ELOVL7: variants seen among roughly 807,000 people sequenced by gnomAD.
The protein encoded by ELOVL7 is ELOVL fatty acid elongase 7.
A neutral mutation model predicts 35.7 loss-of-function variants in ELOVL7; 27 were observed. The ratio of observed to expected loss-of-function variants is 0.76; its 90% CI spans 0.56 to 1.04. The LOEUF (loss-of-function observed/expected upper bound fraction) is 1.04. Ranked by LOEUF, ELOVL7 falls within the 50% of genes least tolerant of loss-of-function variation. The pLI, the probability that ELOVL7 is intolerant of heterozygous loss-of-function variation, is 0.00. For missense variants in ELOVL7, 327 were observed against 340.8 expected (o/e 0.96, Z 0.32); for synonymous variants, 113 against 114.6 (o/e 0.99, Z 0.09).
At chr5:60,760,346 C>T (rs1305804370) in intron 7 of ELOVL7, among the ~76,000 whole-genome samples, 3 of 152,130 alleles carry the variant, frequency 2.0e-5, no homozygotes, top group Admixed American at 6.5e-5. Flanking sequence ...TGGTGTGAGA[C>T]AGTATCTCAT....
chr5:60,834,440 C>T (rs1437812877), intron 1 of ELOVL7, among the ~76,000 whole-genome samples: 4 of 152,094 alleles, frequency 2.6e-5, no homozygotes, highest in South Asian at 2.1e-4. Context: ...CCACTGCGCC[C>T]GACCGGTTCA....
At chr5:60,817,865 T>C (rs547742786) in intron 1 of ELOVL7, among the ~76,000 whole-genome samples, 1 of 150,404 alleles carries the variant, frequency 6.6e-6, no homozygotes, top group African/African-American at 2.4e-5. Flanking sequence ...TATATATATA[T>C]ATACTTGCAT....
chr5:60,805,826 C>T (rs1028862525), intron 1 of ELOVL7, among the ~76,000 whole-genome samples: 11 of 152,152 alleles, frequency 7.2e-5, no homozygotes, highest in African/African-American at 2.7e-4. Context: ...CTTTTCTACT[C>T]ATGAAGAGGA....
At chr5:60,806,159 C>A (rs1013439694) in intron 1 of ELOVL7, among the ~76,000 whole-genome samples, 1 of 152,120 alleles carries the variant, frequency 6.6e-6, no homozygotes, top group Non-Finnish European at 1.5e-5. Context: ...AAGGGAGAGG[C>A]CTGAACAGAT....
chr5:60,806,856 G>T (rs1744955385), intron 1 of ELOVL7, among the ~76,000 whole-genome samples: 1 of 152,178 alleles, frequency 6.6e-6, no homozygotes, highest in Admixed American at 6.5e-5. Flanking sequence ...GCAGAAGGGA[G>T]CTTCTACTTT....
intron 1 of ELOVL7, among the ~76,000 whole-genome samples, chr5:60,818,319 GAAAAAA>G (rs60141189): frequency 1.3e-3 from 94 of 70,578 alleles, no homozygotes; most frequent in African/African-American, 4.8e-3. Context: ...TTCCATCTCA[GAAAAAA>G]AAAAAAAAAA....
chr5:60,840,453 A>G (rs1268155073), intron 1 of ELOVL7, among the ~76,000 whole-genome samples: 1 of 152,214 alleles, frequency 6.6e-6, no homozygotes, highest in Non-Finnish European at 1.5e-5. Flanking sequence ...AGAAGCATGG[A>G]ACAAATTCTC....
intron 6 of ELOVL7, among the ~76,000 whole-genome samples, chr5:60,766,347 T>C (rs184841110): frequency 3.9e-5 from 6 of 152,352 alleles, no homozygotes; most frequent in African/African-American, 9.6e-5. Flanking sequence ...AGAAACTTTA[T>C]AGAGTTTGCA....
intron 1 of ELOVL7, among the ~76,000 whole-genome samples, chr5:60,801,115 T>C (rs902913944): frequency 6.6e-6 from 1 of 151,882 alleles, no homozygotes; most frequent in African/African-American, 2.4e-5. Flanking sequence ...TTTGTAGAGA[T>C]GGGTGTCTTA....
intron 1 of ELOVL7, among the ~76,000 whole-genome samples, chr5:60,804,342 G>A (rs1365928039): frequency 6.6e-6 from 1 of 152,112 alleles, no homozygotes; most frequent in Non-Finnish European, 1.5e-5. Context: ...GAGAGACAGG[G>A]CAAACTTAGA....
At chr5:60,831,241 T>C (rs1051407912) in intron 1 of ELOVL7, among the ~76,000 whole-genome samples, 5 of 152,230 alleles carry the variant, frequency 3.3e-5, no homozygotes, top group African/African-American at 4.8e-5. Flanking sequence ...AGTTGGTTCA[T>C]GTTAACCTAA....
intron 1 of ELOVL7, among the ~76,000 whole-genome samples, chr5:60,813,642 T>A (rs2112327582): frequency 6.6e-6 from 1 of 152,136 alleles, no homozygotes; most frequent in East Asian, 1.9e-4. Context: ...TTTGTTTATA[T>A]CAATTTTTTT....
chr5:60,754,622 C>T lies in ELOVL7; in HGVS notation c.*2G>A. ...GTTTCGATCATAGACTTATGTTGGGCTTCAATTATCTTTGTTTTTGCAAGT... is the reference window on the plus strand; with the variant it reads ...GTTTCGATCATAGACTTATGTTGGGTTTCAATTATCTTTGTTTTTGCAAGT... On this transcript the variant is annotated 3_prime_UTR_variant, in exon 9 of 9. Coordinates refer to ENST00000508821, the MANE Select transcript of ELOVL7 (RefSeq NM_024930.3). 1 of 1,613,090 alleles carries T rather than the reference C, an allele frequency of 6.2e-7. No homozygotes were observed. Among genetic ancestry groups the T allele is most frequent in the South Asian group, 1.1e-5 (1 of 91,034 alleles).
chr5:60,784,353 C>A, intron 3 of ELOVL7: 1 of 424,580 alleles, frequency 2.4e-6, no homozygotes, highest in South Asian at 7.2e-5. Context: ...TCTAATCAAA[C>A]GCAAGGAAAG....
At position 60,787,420 on chromosome 5, in the gene ELOVL7, T is replaced by C. The variant is rs765890212; in HGVS notation, c.-23A>G. On this transcript the variant is annotated 5_prime_UTR_variant, in exon 3 of 9. Transcript: ENST00000508821. ...CATTTTCCACAGGATTTACTGGCTC[T>C]TTTAATGGGTTCTTCAGTAAAATAA... 1.4e-5 allele frequency: 21 copies of C among 1,549,818 alleles called. No homozygotes were observed. The highest frequency in any genetic ancestry group is 1.7e-5 in the Non-Finnish European group (20 of 1,143,398).
intron 3 of ELOVL7, among the ~76,000 whole-genome samples, chr5:60,774,605 T>G (rs1054280488): frequency 6.6e-6 from 1 of 152,158 alleles, no homozygotes; most frequent in East Asian, 1.9e-4. Context: ...GGATGCCCAC[T>G]CCTATTCAAC....
Position 60,771,968 on chromosome 5 carries a change from G to C in ELOVL7, c.190C>G (p.Leu64Val). Residue 64 changes from leucine (L) to valine (V), a missense_variant, in exon 4 of 9, where the codon CTC becomes GTC. Coordinates refer to ENST00000508821, the MANE Select transcript of ELOVL7 (RefSeq NM_024930.3). Reference protein sequence around the residue: ...KLMENRKPFELKKAMITYNFF... With the variant: ...KLMENRKPFEVKKAMITYNFF... ...TTGTACGTTATCATTGCTTTCTTGA[G>C]TTCAAAGGGCTTGCGATTTTCCATG... The C allele has an allele frequency of 6.2e-7, 1 of 1,613,988 alleles. No individual in the cohort carries two copies. Among genetic ancestry groups the C allele is most frequent in the Non-Finnish European group, 8.5e-7 (1 of 1,179,932 alleles).
At chr5:60,832,397 G>T (rs551994687) in intron 1 of ELOVL7, among the ~76,000 whole-genome samples, 7 of 151,096 alleles carry the variant, frequency 4.6e-5, no homozygotes, top group Non-Finnish European at 8.8e-5. Flanking sequence ...ACGGAGTCTC[G>T]CTCTGTTGCC....
intron 3 of ELOVL7, among the ~76,000 whole-genome samples, chr5:60,779,716 T>G (rs896040045): frequency 7.2e-5 from 11 of 152,216 alleles, no homozygotes; most frequent in Admixed American, 6.5e-5. Context: ...TTTTCCCCAT[T>G]GTCTTGGTGA....
Sources: gnomAD v4.1 joint callset for allele counts (sites outside exome capture counted in the v4.1 genomes callset) on GRCh38, gnomAD v4.1.1 for gene constraint, MANE v1.5 for transcripts, NCBI Gene and HGNC (gene_info 2026-07-23, HGNC 2026-07-21) for gene names.